Variants in TRDN observed in about 807,000 individuals in gnomAD.
The protein encoded by TRDN is triadin, also known as triadin in skeletal muscle.
Under a neutral mutation model 149.7 loss-of-function variants are expected in TRDN, and 161 were observed. The ratio of observed to expected loss-of-function variants is 1.08; its 90% confidence interval spans 0.95 to 1.23. The LOEUF is 1.23. Ranked by LOEUF, TRDN falls within the 50% of genes most tolerant of loss-of-function variation. TRDN has a pLI of 0.00. For synonymous variants in TRDN, 294 were observed against 250.5 expected, an observed-to-expected ratio of 1.17 and a Z score of -1.64; for missense variants, 896 against 823.5, an observed-to-expected ratio of 1.09 and a Z score of -1.08.
chr6:123,388,471 T>C (rs2114443378), intron 14 of TRDN, 51 bp downstream of exon 14: 1 of 1,563,638 alleles, frequency 6.4e-7, no homozygotes, highest in Admixed American at 1.9e-5. Flanking sequence ...ACTCAGGATA[T>C]TGGTAAATTG....
At chr6:123,528,385 G>A (rs1350711912) in intron 5 of TRDN, among the ~76,000 whole-genome samples, 1 of 151,354 alleles carries the variant, frequency 6.6e-6, no homozygotes, top group Non-Finnish European at 1.5e-5. Context: ...GTCCCTTGAA[G>A]GGGAAAAAAA....
chr6:123,523,512 C>G (rs1779790312), intron 5 of TRDN, among the ~76,000 whole-genome samples: 1 of 151,998 alleles, frequency 6.6e-6, no homozygotes, highest in Non-Finnish European at 1.5e-5. Flanking sequence ...CACTGGGGCA[C>G]CAACAAATGG....
At chr6:123,259,557 A>G in intron 35 of TRDN, 67 bp downstream of exon 35, 1 of 1,025,990 alleles carries the variant, frequency 9.7e-7, no homozygotes, top group Non-Finnish European at 1.4e-6. Context: ...AATTTGTATA[A>G]ATTTGTTTTT....
intron 38 of TRDN, among the ~76,000 whole-genome samples, chr6:123,233,666 G>T (rs1267452475): frequency 6.6e-6 from 1 of 152,080 alleles, no homozygotes; most frequent in African/African-American, 2.4e-5. Context: ...TCAGAGTGGT[G>T]AGTATGATCA....
chr6:123,298,127 G>A (rs1436137747), intron 24 of TRDN, among the ~76,000 whole-genome samples: 1 of 151,912 alleles, frequency 6.6e-6, no homozygotes, highest in Non-Finnish European at 1.5e-5. Flanking sequence ...ATAATATATT[G>A]AGCATTACAA....
In TRDN at chr6:123,243,162, T is replaced by C. The variant is rs77873875; in HGVS notation, c.1975+9250A>G. 3.0e-3 allele frequency among the ~76,000 whole-genome samples: 462 copies of C among 152,126 alleles called. 18 individuals carry two copies. The East Asian group carries it at 0.076, about 25-fold the overall frequency. ...CTAGTTGCCTGCCTATGCCACTCTATTGAGAGTGGTCCCATCATCCTTAGT... is the reference window on the plus strand; with the variant it reads ...CTAGTTGCCTGCCTATGCCACTCTACTGAGAGTGGTCCCATCATCCTTAGT... On this transcript the variant is annotated intron_variant, in intron 38 of 40. Transcript: ENST00000334268.
At chr6:123,478,224 A>G (rs970850459) in intron 9 of TRDN, among the ~76,000 whole-genome samples, 3 of 152,164 alleles carry the variant, frequency 2.0e-5, no homozygotes, top group African/African-American at 7.2e-5. Context: ...TGACAAATCT[A>G]TAGGTATTCA....
intron 21 of TRDN, chr6:123,350,858 A>AT: frequency 5.1e-6 from 5 of 983,934 alleles, no homozygotes; most frequent in Non-Finnish European, 6.0e-6. Flanking sequence ...ATAAAAGAAG[A>AT]TTTTAGTAAA....
At chr6:123,441,058 T>C (rs1774852037) in intron 10 of TRDN, 1 of 152,194 alleles carries the variant, frequency 6.6e-6, no homozygotes, top group African/African-American at 2.4e-5. Flanking sequence ...ATTATGAGAC[T>C]TACTTTATTC....
chr6:123,330,892 A>G (rs1030674044), intron 23 of TRDN, among the ~76,000 whole-genome samples: 8 of 151,968 alleles, frequency 5.3e-5, no homozygotes, highest in African/African-American at 1.7e-4. Flanking sequence ...ATCCATGCTT[A>G]TGTAAGCTCA....
At chr6:123,631,056 C>G (rs1024497545) in intron 1 of TRDN, among the ~76,000 whole-genome samples, 7 of 151,564 alleles carry the variant, frequency 4.6e-5, no homozygotes, top group African/African-American at 1.5e-4. Context: ...TCTCCCAGCT[C>G]TGCACTATAT....
chr6:123,294,606 A>G (rs1778127582), intron 24 of TRDN, among the ~76,000 whole-genome samples: 1 of 152,180 alleles, frequency 6.6e-6, no homozygotes, highest in African/African-American at 2.4e-5. Context: ...TTGCACTCAT[A>G]TGAGATTTAA....
chr6:123,492,449 T>C (rs186634210), intron 9 of TRDN, among the ~76,000 whole-genome samples: 6 of 152,262 alleles, frequency 3.9e-5, no homozygotes, highest in Admixed American at 1.3e-4. Flanking sequence ...TGTGATTTCT[T>C]CCTTACAGAA....
At chr6:123,562,322 G>C (rs1416277994) in intron 2 of TRDN, among the ~76,000 whole-genome samples, 1 of 152,190 alleles carries the variant, frequency 6.6e-6, no homozygotes, top group Non-Finnish European at 1.5e-5. Flanking sequence ...AAGCATGTTT[G>C]GTGGTCTCTT....
chr6:123,325,718 T>A (rs980978965), intron 23 of TRDN, among the ~76,000 whole-genome samples: 1 of 152,102 alleles, frequency 6.6e-6, no homozygotes, highest in African/African-American at 2.4e-5. Context: ...CTGGAATATT[T>A]ATGGTCTCTA....
At chr6:123,609,729 T>C (rs1023487289) in intron 1 of TRDN, among the ~76,000 whole-genome samples, 5 of 152,204 alleles carry the variant, frequency 3.3e-5, no homozygotes, top group African/African-American at 9.6e-5. Context: ...TTCCCACTTT[T>C]GTCCCTAGCC....
chr6:123,410,347 C>T (rs1773381696), intron 12 of TRDN, among the ~76,000 whole-genome samples: 1 of 152,106 alleles, frequency 6.6e-6, no homozygotes. Flanking sequence ...TGCATTTTCT[C>T]CCCTTTTGCA....
chr6:123,574,881 T>TATATATATAC (rs1554259198), intron 1 of TRDN, among the ~76,000 whole-genome samples: 6 of 107,476 alleles, frequency 5.6e-5, no homozygotes, highest in African/African-American at 2.2e-4. Flanking sequence ...TATATATATA[T>TATATATATAC]ATATATATAT....
At chr6:123,624,903 A>G (rs530125733) in intron 1 of TRDN, among the ~76,000 whole-genome samples, 1 of 152,274 alleles carries the variant, frequency 6.6e-6, no homozygotes, top group Non-Finnish European at 1.5e-5. Context: ...AATCAGAAAC[A>G]TGAAACATCC....
Sources: allele counts gnomAD v4.1 joint callset (sites outside exome capture counted in the v4.1 genomes callset), GRCh38; gene constraint gnomAD v4.1.1; transcripts MANE v1.5; gene names NCBI Gene and HGNC (gene_info 2026-07-23, HGNC 2026-07-21).